SLC35F5: variants seen among roughly 807,000 people sequenced by gnomAD.
The protein encoded by SLC35F5 is solute carrier family 35 member F5, also known as HCV NS5A-transactivated protein 3.
Under a neutral mutation model 68.6 loss-of-function variants are expected in SLC35F5, and 54 were observed. The ratio of observed to expected loss-of-function variants is 0.79; its 90% confidence interval spans 0.63 to 0.99. SLC35F5 has a LOEUF of 0.99. SLC35F5 is among the 50% of genes least tolerant of loss of function. SLC35F5 has a pLI of 0.00. For missense variants in SLC35F5, 567 were observed against 626.9 expected (o/e 0.90, Z 1.02); for synonymous variants, 211 against 205.2 (o/e 1.03, Z -0.24).
In SLC35F5 at chr2:113,729,394, T is replaced by C. The variant is rs1687796173; in HGVS notation, c.1090+7A>G. The C allele has an allele frequency of 3.6e-6, 5 of 1,403,822 alleles. No individual in the cohort carries two copies. The highest frequency in any genetic ancestry group is 5.0e-6 in the Non-Finnish European group (5 of 1,007,932). 87.0% of individuals were successfully genotyped at this position (1,403,822 alleles called of 1,614,324 possible). A position where few individuals can be genotyped will look rare whatever the true frequency, so the allele number is the denominator to read the frequency against. The stretch of plus-strand genomic sequence containing the variant: ...TAAATAGCCTCCCAAGTTACATATA[T>C]TCTTACCAAAGAACATTGGAATATC... On this transcript the variant is annotated splice_region_variant and intron_variant, in intron 11 of 15. Transcript: ENST00000245680.
intron 10 of SLC35F5, among the ~76,000 whole-genome samples, chr2:113,729,780 A>C (rs1487223475): frequency 8.2e-6 from 1 of 122,546 alleles, no homozygotes; most frequent in Admixed American, 8.0e-5. Context: ...TATACATATT[A>C]TAATAATACA....
chr2:113,723,109 G>T lies in SLC35F5; in HGVS notation c.1336C>A (p.Gln446Lys). 1 of 1,543,656 alleles carries T rather than the reference G, an allele frequency of 6.5e-7. No individual in the cohort carries two copies. Among genetic ancestry groups the T allele is most frequent in the Non-Finnish European group, 8.7e-7 (1 of 1,146,360 alleles). ...PLSIIADMCM[Q>K]KVQFSWLFFA... ...ATAATAAATAGTTTCCTTACCTTTT[G>T]CATACACATGTCAGCTATTATGGAC... Residue 446 changes from glutamine to lysine, a missense_variant, in exon 13 of 16, where the codon CAA becomes AAA. Physicochemically the swap from Gln to Lys is moderately conservative, Grantham distance 53. Transcript: ENST00000245680.
downstream of SLC35F5, among the ~76,000 whole-genome samples, chr2:113,704,738 G>C (rs2104941186): frequency 6.6e-6 from 1 of 152,148 alleles, no homozygotes; most frequent in African/African-American, 2.4e-5. Flanking sequence ...CAGAACTCGC[G>C]CTGGCCCGCA....
chr2:113,756,425 GC>G lies in SLC35F5; in HGVS notation c.-17del. ...GCGGCACCATGAGCGGACCGGTCAGGCCCCGCAGCCGCCCAGCGCCACGGCC... is the reference window on the plus strand; with the variant it reads ...GCGGCACCATGAGCGGACCGGTCAGGCCCGCAGCCGCCCAGCGCCACGGCC... On this transcript the variant is annotated 5_prime_UTR_variant, in exon 1 of 16. Coordinates refer to ENST00000245680, the MANE Select transcript of SLC35F5 (RefSeq NM_025181.5). 6.5e-7 allele frequency: 1 copy of G among 1,546,066 alleles called. No homozygotes were observed.
chr2:113,743,491 T>C (rs1676366492), intron 6 of SLC35F5, among the ~76,000 whole-genome samples: 1 of 152,144 alleles, frequency 6.6e-6, no homozygotes, highest in African/African-American at 2.4e-5. Flanking sequence ...GATGAAACCA[T>C]AGAGATTTAT....
chr2:113,754,605 TAA>T (rs1016590077), intron 3 of SLC35F5, among the ~76,000 whole-genome samples: 4 of 152,134 alleles, frequency 2.6e-5, no homozygotes, highest in African/African-American at 9.7e-5. Context: ...AGGTCATCAA[TAA>T]AGACACAATT....
Position 113,731,595 on chromosome 2 carries a change from C to T in SLC35F5, c.974G>A (p.Arg325Lys), listed in dbSNP as rs765291977. Residue 325 changes from arginine to lysine, a missense_variant, in exon 10 of 16, where the codon AGA becomes AAA. Coordinates refer to ENST00000245680, the MANE Select transcript of SLC35F5 (RefSeq NM_025181.5). ...NLAGSEKPAG[R>K]DTVGSIWSLA... ...AGTCCAGTACTTACCTACTGTGTCT[C>T]TTCCAGCAGGTTTTTCAGACCCTGC... 3 of 1,612,716 alleles carry T rather than the reference C, an allele frequency of 1.9e-6. No individual in the cohort carries two copies. In the Admixed American group the frequency reaches 5.0e-5, roughly 27 times the overall value.
intron 14 of SLC35F5, among the ~76,000 whole-genome samples, chr2:113,718,865 AAAAG>A (rs765844454): frequency 0.061 from 7,510 of 123,298 alleles, 312 homozygotes; most frequent in East Asian, 0.099. Flanking sequence ...GAGAGAAAGA[AAAAG>A]AAAGAAAGAA....
At position 113,713,299 on chromosome 2, in the gene SLC35F5, G is replaced by A. The variant is rs533181564; in HGVS notation, c.*1919C>T. 6.6e-6 allele frequency: 1 copy of A among 152,164 alleles called. No homozygotes were observed. The highest frequency in any genetic ancestry group is 2.1e-4 in the South Asian group (1 of 4,826). 9.4% of individuals were successfully genotyped at this position (152,164 alleles called of 1,614,324 possible). ...AGATCTATCCAGCCTGTTAACTACGGCTTAGTACTTCCAGAATCCTGAGTA... is the reference window on the plus strand; with the variant it reads ...AGATCTATCCAGCCTGTTAACTACGACTTAGTACTTCCAGAATCCTGAGTA... On this transcript the variant is annotated 3_prime_UTR_variant, in exon 16 of 16. Coordinates refer to ENST00000245680, the MANE Select transcript of SLC35F5 (RefSeq NM_025181.5).
intron 3 of SLC35F5, 86 bp downstream of exon 3, chr2:113,755,079 G>A: frequency 7.6e-7 from 1 of 1,323,596 alleles, no homozygotes; most frequent in Non-Finnish European, 1.0e-6. Context: ...TAGAAAGCAG[G>A]AGATTGTAAC....
chr2:113,706,838 A>G lies in SLC35F5; in HGVS notation c.*8380T>C, dbSNP rs1686811502. Among the ~76,000 whole-genome samples, 1 of 152,228 alleles carries G rather than the reference A, an allele frequency of 6.6e-6. No individual in the cohort carries two copies. Among genetic ancestry groups the G allele is most frequent in the Admixed American group, 6.5e-5 (1 of 15,278 alleles). ...AATGCATACTATAAATAGAATATAC[A>G]AATGATTTTACACAAATGAAGCATT... On this transcript the variant is annotated 3_prime_UTR_variant, in exon 16 of 16. Coordinates refer to ENST00000245680, the MANE Select transcript of SLC35F5 (RefSeq NM_025181.5).
chr2:113,750,687 G>T lies in SLC35F5; in HGVS notation c.274-119C>A, dbSNP rs374951316. 40 of 881,000 alleles carry T rather than the reference G, an allele frequency of 4.5e-5. No individual in the cohort carries two copies. The African/African-American group carries it at 6.4e-4, about 14-fold the overall frequency. 54.6% of individuals were successfully genotyped at this position (881,000 alleles called of 1,614,324 possible). A position where few individuals can be genotyped will look rare whatever the true frequency, so the allele number is the denominator to read the frequency against. The stretch of plus-strand genomic sequence containing the variant: ...TCAGAAGTTCACTTGGAAAGAAAAA[G>T]TCAAAGCGATTACAAAAGTATTTTA... On this transcript the variant is annotated intron_variant, in intron 3 of 15. Transcript: ENST00000245680.
chr2:113,734,181 G>C (rs1688000219), intron 9 of SLC35F5, among the ~76,000 whole-genome samples: 1 of 152,196 alleles, frequency 6.6e-6, no homozygotes, highest in South Asian at 2.1e-4. Flanking sequence ...TAGACAATTA[G>C]AGAAAACTGA....
Position 113,735,801 on chromosome 2 carries a change from C to T in SLC35F5, c.808G>A (p.Val270Ile). 6.2e-7 allele frequency: 1 copy of T among 1,606,374 alleles called. No individual in the cohort carries two copies. Among genetic ancestry groups the T allele is most frequent in the South Asian group, 1.1e-5 (1 of 89,002 alleles). ...EALSDTQVAI[V>I]NILSSTSGLF... is the part of the protein sequence containing the mutation. ...CCGGAAGTTGAAGATAAAATATTAA[C>T]TATAGCAACTTGTGTGTCTGAAAGT... Residue 270 changes from valine (V) to isoleucine (I), a missense_variant, in exon 8 of 16, where the codon GTT (valine) becomes ATT (isoleucine). By Grantham distance (29) the Val-to-Ile change is conservative. Coordinates refer to ENST00000245680, the MANE Select transcript of SLC35F5 (RefSeq NM_025181.5).
In SLC35F5 at chr2:113,713,680, T is replaced by G. The variant is rs1445256890; in HGVS notation, c.*1538A>C. 6.6e-6 allele frequency: 1 copy of G among 151,774 alleles called. No homozygotes were observed. The highest frequency in any genetic ancestry group is 2.4e-5 in the African/African-American group (1 of 41,304). The allele number at this position is 151,774 out of a possible 1,614,324, so 9.4% of individuals were successfully genotyped here. A position where few individuals can be genotyped will look rare whatever the true frequency, so the allele number is the denominator to read the frequency against. ...CAAAAGTATAATAAACTCAACATTA[T>G]TTTTAACTTGCGTTATTGGTGGTGC... On this transcript the variant is annotated 3_prime_UTR_variant, in exon 16 of 16. Coordinates refer to ENST00000245680, the MANE Select transcript of SLC35F5 (RefSeq NM_025181.5).
In SLC35F5 at chr2:113,723,112, T is replaced by A; in HGVS notation, c.1333A>T (p.Met445Leu). The change falls in exon 13 of 16, where the codon ATG becomes TTG. Residue 445 changes from methionine to leucine, a missense_variant. Coordinates refer to ENST00000245680, the MANE Select transcript of SLC35F5 (RefSeq NM_025181.5). ...ATAAATAGTTTCCTTACCTTTTGCATACACATGTCAGCTATTATGGACAGA... is the reference window on the plus strand; with the variant it reads ...ATAAATAGTTTCCTTACCTTTTGCAAACACATGTCAGCTATTATGGACAGA... Reference protein sequence around the residue: ...IPLSIIADMCMQKVQFSWLFF... With the variant: ...IPLSIIADMCLQKVQFSWLFF... 1 of 1,552,418 alleles carries A rather than the reference T, an allele frequency of 6.4e-7. No individual in the cohort carries two copies. The highest frequency in any genetic ancestry group is 8.7e-7 in the Non-Finnish European group (1 of 1,150,796).
At chr2:113,724,834 T>C (rs998015740) in intron 12 of SLC35F5, among the ~76,000 whole-genome samples, 3 of 152,182 alleles carry the variant, frequency 2.0e-5, no homozygotes, top group African/African-American at 4.8e-5. Flanking sequence ...TATCAGTATA[T>C]TGGATATACA....
chr2:113,742,493 T>C lies in SLC35F5; in HGVS notation c.750+199A>G, dbSNP rs887011914. On this transcript the variant is annotated intron_variant, in intron 7 of 15. Coordinates refer to ENST00000245680, the MANE Select transcript of SLC35F5 (RefSeq NM_025181.5). ...ATAGCTGAAGTGTTATAGGACTTAA[T>C]GAATTCTAACTCTTTGAGGTATATC... 2.3e-5 allele frequency: 14 copies of C among 595,744 alleles called. No individual in the cohort carries two copies. The South Asian group carries it at 3.0e-4, about 13-fold the overall frequency. 36.9% of individuals were successfully genotyped at this position (595,744 alleles called of 1,614,324 possible).
At chr2:113,722,400 CACACACAT>C (rs1687480673) in intron 13 of SLC35F5, among the ~76,000 whole-genome samples, 1 of 152,146 alleles carries the variant, frequency 6.6e-6, no homozygotes, top group Admixed American at 6.5e-5. Context: ...CACACACACA[CACACACAT>C]ACTTCTGTGA....
Sources: gnomAD v4.1 joint callset for allele counts (sites outside exome capture counted in the v4.1 genomes callset) on GRCh38, gnomAD v4.1.1 for gene constraint, MANE v1.5 for transcripts, NCBI Gene and HGNC (gene_info 2026-07-23, HGNC 2026-07-21) for gene names.